CREB5: variants seen among roughly 807,000 people sequenced by gnomAD.
The protein encoded by CREB5 is cyclic AMP-responsive element-binding protein 5.
Under a neutral mutation model 57.1 loss-of-function variants are expected in CREB5, and 19 were observed. The observed-to-expected ratio is 0.33, with a 90% CI of 0.23 to 0.49. CREB5 has a LOEUF of 0.49. CREB5 is among the 20% of genes least tolerant of loss of function. CREB5 has a pLI of 0.99. For missense variants in CREB5, 579 were observed against 671.6 expected, an observed-to-expected ratio of 0.86 and a Z score of 1.52; for synonymous variants, 238 against 238.3, an observed-to-expected ratio of 1.00 and a Z score of 0.01.
intron 1 of CREB5, among the ~76,000 whole-genome samples, chr7:28,301,434 G>T (rs553248199): frequency 2.8e-4 from 42 of 152,298 alleles, no homozygotes; most frequent in African/African-American, 1.0e-3. Flanking sequence ...TGCAGAGTCT[G>T]CCAAGGTAGG....
intron 1 of CREB5, among the ~76,000 whole-genome samples, chr7:28,371,511 A>G (rs1256408843): frequency 6.7e-6 from 1 of 150,206 alleles, no homozygotes; most frequent in African/African-American, 2.5e-5. Context: ...AAAAAAAAAA[A>G]AGATTCAGGG....
intron 1 of CREB5, among the ~76,000 whole-genome samples, chr7:28,347,817 C>T (rs1018665895): frequency 4.6e-5 from 7 of 152,140 alleles, no homozygotes; most frequent in African/African-American, 1.4e-4. Context: ...CTTTAAAAAA[C>T]GTGGTTATTT....
chr7:28,356,241 G>A (rs1583394315), intron 1 of CREB5, among the ~76,000 whole-genome samples: 1 of 152,176 alleles, frequency 6.6e-6, no homozygotes, highest in Non-Finnish European at 1.5e-5. Context: ...AATGGCAATT[G>A]GCTCTTGGAG....
chr7:28,371,567 C>T (rs1458733569), intron 1 of CREB5, among the ~76,000 whole-genome samples: 4 of 151,632 alleles, frequency 2.6e-5, no homozygotes, highest in Non-Finnish European at 5.9e-5. Flanking sequence ...AACAGGTCTT[C>T]AGCCCTGGAA....
intron 1 of CREB5, among the ~76,000 whole-genome samples, chr7:28,364,170 G>C (rs950072145): frequency 2.0e-5 from 3 of 152,106 alleles, no homozygotes; most frequent in Non-Finnish European, 2.9e-5. Context: ...TTCTTCAATT[G>C]GGTGTTAAAA....
At chr7:28,368,349 C>T (rs1443371527) in intron 1 of CREB5, among the ~76,000 whole-genome samples, 2 of 151,896 alleles carry the variant, frequency 1.3e-5, no homozygotes, top group African/African-American at 2.4e-5. Flanking sequence ...ATCCATGTAA[C>T]CAAAAACCAC....
chr7:28,441,377 A>T (rs1438330575), intron 1 of CREB5, among the ~76,000 whole-genome samples: 3 of 152,216 alleles, frequency 2.0e-5, no homozygotes, highest in African/African-American at 7.2e-5. Context: ...CATGGAAAGA[A>T]ACTCTAAAAT....
At chr7:28,370,911 G>T (rs143586292) in intron 1 of CREB5, among the ~76,000 whole-genome samples, 8 of 152,324 alleles carry the variant, frequency 5.3e-5, no homozygotes, top group African/African-American at 1.4e-4. Flanking sequence ...TGTGCAGGAA[G>T]CAGCAGTAAA....
intron 1 of CREB5, among the ~76,000 whole-genome samples, chr7:28,479,694 G>A (rs1008626494): frequency 7.2e-5 from 11 of 152,162 alleles, no homozygotes; most frequent in African/African-American, 2.2e-4. Context: ...TACAACCTGG[G>A]AATGCCCCAG....
intron 4 of CREB5, among the ~76,000 whole-genome samples, chr7:28,545,822 G>A (rs1271957482): frequency 6.6e-6 from 1 of 152,076 alleles, no homozygotes; most frequent in African/African-American, 2.4e-5. Context: ...TCATAGCTGT[G>A]TGTGTGTGAA....
chr7:28,719,225 A>AGTC (rs1802878718), intron 6 of CREB5, among the ~76,000 whole-genome samples: 1 of 151,494 alleles, frequency 6.6e-6, no homozygotes, highest in Non-Finnish European at 1.5e-5. Flanking sequence ...ATTGCCAGTG[A>AGTC]GTCGTCTAAC....
chr7:28,705,279 C>T (rs1176130456), intron 5 of CREB5, among the ~76,000 whole-genome samples: 1 of 149,948 alleles, frequency 6.7e-6, no homozygotes, highest in African/African-American at 2.5e-5. Flanking sequence ...AGGAGAATTG[C>T]TTGAACCCGG....
chr7:28,314,171 C>G (rs1048186387), intron 1 of CREB5, among the ~76,000 whole-genome samples: 2 of 152,114 alleles, frequency 1.3e-5, no homozygotes, highest in Non-Finnish European at 2.9e-5. Flanking sequence ...TTTCTTGTAG[C>G]TATGTGAAGA....
chr7:28,358,526 G>T (rs1449098979), intron 1 of CREB5, among the ~76,000 whole-genome samples: 1 of 152,244 alleles, frequency 6.6e-6, no homozygotes, highest in Non-Finnish European at 1.5e-5. Flanking sequence ...GTTAACCAAA[G>T]CATGTTGTTT....
chr7:28,723,053 C>T (rs1276432555), intron 6 of CREB5, among the ~76,000 whole-genome samples: 2 of 152,198 alleles, frequency 1.3e-5, no homozygotes, highest in Non-Finnish European at 2.9e-5. Flanking sequence ...TGAACACCTC[C>T]AATAGCAAGC....
intron 5 of CREB5, among the ~76,000 whole-genome samples, chr7:28,704,825 G>C (rs550362449): frequency 1.1e-4 from 17 of 152,148 alleles, no homozygotes; most frequent in African/African-American, 3.6e-4. Flanking sequence ...AAGATTGTTG[G>C]TTCAGCCATT....
intron 4 of CREB5, among the ~76,000 whole-genome samples, chr7:28,555,368 A>C (rs1794824025): frequency 6.6e-6 from 1 of 152,222 alleles, no homozygotes; most frequent in Non-Finnish European, 1.5e-5. Context: ...AAGATAATAT[A>C]AGAAATTCAA....
intron 5 of CREB5, among the ~76,000 whole-genome samples, chr7:28,626,249 G>A (rs1202570574): frequency 6.6e-6 from 1 of 152,158 alleles, no homozygotes; most frequent in Non-Finnish European, 1.5e-5. Context: ...GATTTGAGTT[G>A]TATGATTGTT....
chr7:28,411,451 C>T (rs1300111751), upstream of CREB5, among the ~76,000 whole-genome samples: 1 of 148,208 alleles, frequency 6.7e-6, no homozygotes, highest in Non-Finnish European at 1.5e-5. Context: ...AAGTCGAATA[C>T]GTAAGTCATT....
Sources: gnomAD v4.1 joint callset for allele counts (sites outside exome capture counted in the v4.1 genomes callset) on GRCh38, gnomAD v4.1.1 for gene constraint, MANE v1.5 for transcripts, NCBI Gene and HGNC (gene_info 2026-07-23, HGNC 2026-07-21) for gene names.